Variants in ASB10 observed in about 807,000 individuals in gnomAD.
ASB10 encodes ankyrin repeat and SOCS box protein 10.
A neutral mutation model predicts 35.4 loss-of-function variants in ASB10; 44 were observed. That is an observed-to-expected ratio of 1.24 (90% CI 0.98 to 1.60). The LOEUF (loss-of-function observed/expected upper bound fraction) is 1.60. Among genes scored for constraint, ASB10 ranks in the 40% most tolerant of loss-of-function variants. The pLI is 0.00. For synonymous variants in ASB10, 294 were observed against 280.4 expected (o/e 1.05, Z -0.49); for missense variants, 647 against 634.3 (o/e 1.02, Z -0.22).
rs368799141 is a variant in ASB10 at position 151,181,077 on chromosome 7, G to T, written c.966C>A (p.Thr322=). The T allele has an allele frequency of 3.1e-6, 5 of 1,612,426 alleles. No homozygotes were observed. The highest frequency in any genetic ancestry group is 1.7e-5 in the Admixed American group (1 of 60,008). The change falls in exon 3 of 6, where the codon ACC becomes ACA. Residue 322 remains threonine, a synonymous_variant. Coordinates refer to ENST00000420175, the MANE Select transcript of ASB10 (RefSeq NM_001142459.2). ...LLLSCGVSAN[T]MDYGGHTPLH... The stretch of plus-strand genomic sequence containing the variant: ...GGGGCGTGTGTCCCCCATAGTCCAT[G>T]GTGTTGGCGCTGACACCACAGGACA...
chr7:151,185,187 C>T (rs1801566716), intron 2 of ASB10, among the ~76,000 whole-genome samples: 1 of 146,442 alleles, frequency 6.8e-6, no homozygotes, highest in South Asian at 2.2e-4. Flanking sequence ...AATCTAATCT[C>T]CGCTCACTGC....
chr7:151,185,853 C>T (rs1015287203), intron 2 of ASB10, among the ~76,000 whole-genome samples: 2 of 152,136 alleles, frequency 1.3e-5, no homozygotes, highest in African/African-American at 4.8e-5. Context: ...GTGAGAGTCC[C>T]TTGAGCCCAT....
intron 3 of ASB10, 138 bp from the exon 4 acceptor site, chr7:151,176,814 C>A (rs1801398754): frequency 3.2e-6 from 2 of 616,504 alleles, no homozygotes; most frequent in East Asian, 2.9e-5. Flanking sequence ...ATGAATGGGA[C>A]CTTATTTGGA....
At position 151,186,472 on chromosome 7, in the gene ASB10, C is replaced by A; in HGVS notation, c.504G>T (p.Leu168=). 6.3e-7 allele frequency: 1 copy of A among 1,597,942 alleles called. No individual in the cohort carries two copies. The highest frequency in any genetic ancestry group is 1.7e-5 in the Admixed American group (1 of 57,542). The stretch of plus-strand genomic sequence containing the variant: ...CGATGTTGGGGTCGGCTCCTGCCAC[C>A]AGCAGCACATGAACACAGGCAGTGT... ...AGHTACVHVL[L]VAGADPNIAD... Residue 168 remains leucine, a synonymous_variant, in exon 2 of 6, where the codon CTG becomes CTT. Coordinates refer to ENST00000420175, the MANE Select transcript of ASB10 (RefSeq NM_001142459.2).
At chr7:151,187,636 G>C, upstream of ASB10, 1 of 1,537,192 alleles carries the variant, frequency 6.5e-7, no homozygotes. The surrounding 1 kb of genome is among the most constrained non-coding windows in gnomAD (Gnocchi z 5.3). Context: ...GGCGGGAGTG[G>C]GGCCTCCAGA....
intron 1 of ASB10, 72 bp downstream of exon 1, chr7:151,186,743 A>G: frequency 6.5e-7 from 1 of 1,537,280 alleles, no homozygotes; most frequent in South Asian, 1.3e-5. Flanking sequence ...AGAGGCAGGA[A>G]GAGGGAGCCC....
chr7:151,185,180 C>T (rs1233306874), intron 2 of ASB10, among the ~76,000 whole-genome samples: 1 of 139,514 alleles, frequency 7.2e-6, no homozygotes, highest in Non-Finnish European at 1.5e-5. Context: ...GTGGCGCAAT[C>T]TAATCTCCGC....
At chr7:151,187,578 CCAT>C, upstream of ASB10, 1 of 1,551,148 alleles carries the variant, frequency 6.4e-7, no homozygotes, top group Non-Finnish European at 8.7e-7. The surrounding 1 kb of genome is among the most constrained non-coding windows in gnomAD (Gnocchi z 5.3). Flanking sequence ...TTCTGCAGGG[CCAT>C]GTCTTGGCAG....
chr7:151,176,424 T>C, intron 4 of ASB10, 127 bp from the exon 5 acceptor site: 2 of 1,460,964 alleles, frequency 1.4e-6, no homozygotes, highest in Non-Finnish European at 1.8e-6. Flanking sequence ...CAATGAATGT[T>C]TGAGTGTTCA....
chr7:151,182,045 T>C (rs1318669268), intron 2 of ASB10, among the ~76,000 whole-genome samples: 2 of 152,254 alleles, frequency 1.3e-5, no homozygotes, highest in Admixed American at 6.5e-5. Context: ...TTACGTGTTG[T>C]AGCTAATTTC....
Position 151,180,934 on chromosome 7 carries a change from C to T in ASB10, c.1104+5G>A. The stretch of plus-strand genomic sequence containing the variant: ...TGGCCCTCCTGCTGCCTGCAGCCCC[C>T]ATACCTTGGGGAGGGCCCCTGGCCA... On this transcript the variant is annotated splice_donor_5th_base_variant and intron_variant, in intron 3 of 5. Transcript: ENST00000420175. 1 of 1,515,822 alleles carries T rather than the reference C, an allele frequency of 6.6e-7. No homozygotes were observed. 93.9% of individuals were successfully genotyped at this position (1,515,822 alleles called of 1,614,324 possible). A position where few individuals can be genotyped will look rare whatever the true frequency, so the allele number is the denominator to read the frequency against.
In ASB10 at chr7:151,186,574, C is replaced by A. The variant is rs1411970703; in HGVS notation, c.402G>T (p.Leu134=). ...ASRGHTEVLR[L]LLRRRARPDS... Reference sequence around the variant, plus strand: ...CTGGCCTTGCTCGCCGCCTCAGCAGCAGCCGCAGGACTTCCGTGTGGCCAC... The same window carrying A: ...CTGGCCTTGCTCGCCGCCTCAGCAGAAGCCGCAGGACTTCCGTGTGGCCAC... The change falls in exon 2 of 6, where the codon CTG becomes CTT. Residue 134 remains leucine, a synonymous_variant. Transcript: ENST00000420175. 6.2e-7 allele frequency: 1 copy of A among 1,607,468 alleles called. No homozygotes were observed. Among genetic ancestry groups the A allele is most frequent in the East Asian group, 2.2e-5 (1 of 44,666 alleles).
Position 151,180,955 on chromosome 7 carries a change from G to A in ASB10, c.1088C>T (p.Pro363Leu), listed in dbSNP as rs916622465. ...LLNHGAVRVW[P>L]GALPKVLERW... is the part of the protein sequence containing the mutation. ...CCCCCATACCTTGGGGAGGGCCCCT[G>A]GCCAGACACGGACGGCGCCATGGTT... Residue 363 changes from proline (P) to leucine (L), a missense_variant, in exon 3 of 6, where the codon CCA becomes CTA. Physicochemically the swap from Pro to Leu is moderately conservative, Grantham distance 98. Transcript: ENST00000420175. 3 of 1,551,592 alleles carry A rather than the reference G, an allele frequency of 1.9e-6. No individual in the cohort carries two copies. Among genetic ancestry groups the A allele is most frequent in the African/African-American group, 1.4e-5 (1 of 73,704 alleles).
intron 2 of ASB10, among the ~76,000 whole-genome samples, chr7:151,183,466 G>T (rs534217505): frequency 2.0e-5 from 3 of 152,222 alleles, no homozygotes; most frequent in South Asian, 4.2e-4. Context: ...GGAATACAGT[G>T]GCGTGATCTC....
At chr7:151,187,720 C>G, upstream of ASB10, 1 of 1,467,656 alleles carries the variant, frequency 6.8e-7, no homozygotes, top group South Asian at 1.4e-5. The surrounding 1 kb of genome is among the most constrained non-coding windows in gnomAD (Gnocchi z 5.3). Context: ...TTCCCCAGGG[C>G]ATGGCTTGTT....
chr7:151,178,721 C>G (rs73478622), intron 3 of ASB10, among the ~76,000 whole-genome samples: 10,381 of 152,204 alleles, frequency 0.068, 406 homozygotes, highest in East Asian at 0.1. Context: ...CCTGGCCTTC[C>G]AGGGGTCCCT....
intron 3 of ASB10, 32 bp downstream of exon 3, chr7:151,180,906 TG>T: frequency 6.9e-7 from 1 of 1,458,270 alleles, no homozygotes; most frequent in Non-Finnish European, 9.1e-7. Context: ...CCCCTCACCA[TG>T]GTGGCCCTCC....
intron 4 of ASB10, 42 bp from the exon 5 acceptor site, chr7:151,176,339 C>T: frequency 6.6e-7 from 1 of 1,516,060 alleles, no homozygotes. Context: ...CAGCCTCAGA[C>T]AGGTAGCACC....
chr7:151,186,265 C>T, intron 2 of ASB10, 127 bp downstream of exon 2: 1 of 1,237,858 alleles, frequency 8.1e-7, no homozygotes, highest in Non-Finnish European at 1.1e-6. Flanking sequence ...GTAATTGCAC[C>T]CTGACCCGCG....
Sources: allele counts gnomAD v4.1 joint callset (sites outside exome capture counted in the v4.1 genomes callset), GRCh38; gene constraint gnomAD v4.1.1; non-coding constraint Gnocchi (gnomAD v3.1); transcripts MANE v1.5; gene names NCBI Gene and HGNC (gene_info 2026-07-23, HGNC 2026-07-21).